Variants in SYPL1 observed in about 807,000 individuals in gnomAD.
SYPL1 encodes the protein synaptophysin-like protein 1.
SYPL1 carries 6 observed loss-of-function variants against 23.7 expected under a neutral mutation model. The ratio of observed to expected loss-of-function variants is 0.25; its 90% CI spans 0.14 to 0.50. The LOEUF (loss-of-function observed/expected upper bound fraction) is 0.50, where lower values mean the gene tolerates loss of function less well. SYPL1 is among the 20% of genes least tolerant of loss of function. SYPL1 has a pLI of 0.98. For synonymous variants in SYPL1, 102 were observed against 104.5 expected (o/e 0.98, Z 0.15); for missense variants, 253 against 288.9 (o/e 0.88, Z 0.90).
At chr7:106,112,565 C>T (rs200172873), upstream of SYPL1, 676 of 1,490,726 alleles carry the variant, frequency 4.5e-4, 1 homozygote, top group Non-Finnish European at 5.9e-4. Context: ...TGCGGTTCAG[C>T]CCCTGGCACT....
chr7:106,110,292 A>G (rs1046907400), intron 1 of SYPL1, among the ~76,000 whole-genome samples: 6 of 152,310 alleles, frequency 3.9e-5, no homozygotes, highest in East Asian at 1.9e-4. Flanking sequence ...TCCACTGAAC[A>G]TAAGATTCCT....
At chr7:106,112,371 G>GCGGA, upstream of SYPL1, 5 of 1,288,960 alleles carry the variant, frequency 3.9e-6, no homozygotes, top group Non-Finnish European at 4.9e-6. Flanking sequence ...GCGGAGCGGC[G>GCGGA]GCGGTTGAGC....
Position 106,112,246 on chromosome 7 carries a change from G to T in SYPL1, c.-38C>A. On this transcript the variant is annotated 5_prime_UTR_variant, in exon 1 of 5. Transcript: ENST00000455385. ...GGAGGGAGAGAGAGTCAGGACGACG[G>T]GGCGGAGGAGGGGACCGACGAGACC... 4.0e-6 allele frequency: 6 copies of T among 1,517,546 alleles called. No homozygotes were observed. The highest frequency in any genetic ancestry group is 5.3e-6 in the Non-Finnish European group (6 of 1,122,854). 94.0% of individuals were successfully genotyped at this position (1,517,546 alleles called of 1,614,324 possible). A position where few individuals can be genotyped will look rare whatever the true frequency, so the allele number is the denominator to read the frequency against.
At chr7:106,093,348 C>G (rs1839858296) in intron 3 of SYPL1, 1 of 462,928 alleles carries the variant, frequency 2.2e-6, no homozygotes, top group Non-Finnish European at 3.8e-6. Context: ...AAATAAGACT[C>G]AGTCATCCCC....
In SYPL1 at chr7:106,091,728, CAAAT is replaced by C; in HGVS notation, c.*73_*76del. On this transcript the variant is annotated 3_prime_UTR_variant, in exon 5 of 5. Coordinates refer to ENST00000455385, the MANE Select transcript of SYPL1 (RefSeq NM_182715.4). This position sits in a 1 kb window ranked among gnomAD's most constrained non-coding sequence, Gnocchi z 5.0. ...ACAAAGCCATTACTTTTATTAGAAA[CAAAT>C]AATGCTTCTCAAGGTGTTGGCAACA... 1 of 1,461,490 alleles carries C rather than the reference CAAAT, an allele frequency of 6.8e-7. No individual in the cohort carries two copies. Among genetic ancestry groups the C allele is most frequent in the Non-Finnish European group, 9.1e-7 (1 of 1,095,312 alleles). 90.5% of individuals were successfully genotyped at this position (1,461,490 alleles called of 1,614,324 possible).
rs887541225 is a variant in SYPL1 at position 106,095,375 on chromosome 7, A to C, written c.403-2238T>G. 6.7e-6 allele frequency among the ~76,000 whole-genome samples: 1 copy of C among 149,062 alleles called. No homozygotes were observed. Among genetic ancestry groups the C allele is most frequent in the Non-Finnish European group, 1.5e-5 (1 of 67,556 alleles). On this transcript the variant is annotated intron_variant, in intron 3 of 4. Coordinates refer to ENST00000455385, the MANE Select transcript of SYPL1 (RefSeq NM_182715.4). The surrounding 1 kb of genome is among the most constrained non-coding windows in gnomAD (Gnocchi z 4.3). ...TTTTTTTTTTTTTCCCCTGAGATGG[A>C]GTCTTGCTCTGTCACCTAGGCTGGA...
chr7:106,102,175 C>T (rs1305454337), intron 1 of SYPL1, among the ~76,000 whole-genome samples: 1 of 152,094 alleles, frequency 6.6e-6, no homozygotes, highest in Admixed American at 6.5e-5. Context: ...TCACTGCAAC[C>T]TCCACCTCCC....
chr7:106,099,015 A>G (rs755129950), intron 2 of SYPL1, 143 bp downstream of exon 2: 14 of 999,650 alleles, frequency 1.4e-5, no homozygotes, highest in Non-Finnish European at 2.1e-5. Flanking sequence ...TGTGTACCAC[A>G]GTTTGGGAGG....
intron 1 of SYPL1, among the ~76,000 whole-genome samples, chr7:106,107,687 A>G (rs954320200): frequency 6.8e-6 from 1 of 146,740 alleles, no homozygotes; most frequent in Non-Finnish European, 1.5e-5. Flanking sequence ...GGTTGCAGTG[A>G]GCTGAGATCA....
rs954007685 is a variant in SYPL1 at position 106,095,519 on chromosome 7, T to C, written c.402+2171A>G. Among the ~76,000 whole-genome samples, 9 of 152,004 alleles carry C rather than the reference T, an allele frequency of 5.9e-5. No individual in the cohort carries two copies. Among genetic ancestry groups the C allele is most frequent in the African/African-American group, 1.9e-4 (8 of 41,366 alleles). On this transcript the variant is annotated intron_variant, in intron 3 of 4. Transcript: ENST00000455385. The surrounding 1 kb of genome is among the most constrained non-coding windows in gnomAD (Gnocchi z 4.3). The stretch of plus-strand genomic sequence containing the variant: ...GCCCACCACCATGTCCAGCTAATTT[T>C]TGTATTTTTAGCAGAGATGGGGTTT...
rs145753939 is a variant in SYPL1, at chr7:106,097,825, G to C, written c.267C>G (p.Leu89=). 6.2e-7 allele frequency: 1 copy of C among 1,613,948 alleles called. No homozygotes were observed. Among genetic ancestry groups the C allele is most frequent in the Non-Finnish European group, 8.5e-7 (1 of 1,179,974 alleles). Residue 89 remains leucine, a synonymous_variant, in exon 3 of 5, where the codon CTC becomes CTG. Transcript: ENST00000455385. The surrounding 1 kb of genome is among the most constrained non-coding windows in gnomAD (Gnocchi z 4.6). ...GTGCAGAAGAAGAGTAATCGCCTAT[G>C]AGGACGTAATCTTTCCAATTTACAT... is the stretch of plus-strand genomic sequence containing the variant. ...ICDVNWKDYV[L]IGDYSSSAQF...
rs1839855465 is a variant in SYPL1 at position 106,093,303 on chromosome 7, TAG to T, written c.403-168_403-167del. On this transcript the variant is annotated intron_variant, in intron 3 of 4. Coordinates refer to ENST00000455385, the MANE Select transcript of SYPL1 (RefSeq NM_182715.4). ...CAGTCAGCATAGTAAACATTGCTGTTAGTGTTACAAGCACAGTGCCTGAGTTA... is the reference window on the plus strand; with the variant it reads ...CAGTCAGCATAGTAAACATTGCTGTTTGTTACAAGCACAGTGCCTGAGTTA... The T allele has an allele frequency of 5.1e-6, 3 of 591,560 alleles. No homozygotes were observed. The East Asian group carries it at 9.0e-5, about 18-fold the overall frequency. The allele number at this position is 591,560 out of a possible 1,614,324, so 36.6% of individuals were successfully genotyped here.
rs7787214 is a variant in SYPL1 at position 106,098,678 on chromosome 7, A to T, written c.194+480T>A. ...GATGAAATACTCATTTTACTTTAAG[A>T]AAGTGTGGCTTTATGCTAATGAATG... On this transcript the variant is annotated intron_variant, in intron 2 of 4. Coordinates refer to ENST00000455385, the MANE Select transcript of SYPL1 (RefSeq NM_182715.4). Among the ~76,000 whole-genome samples the T allele has an allele frequency of 6.7e-3, 1,016 of 152,336 alleles. 12 individuals are homozygous for T. The highest frequency in any genetic ancestry group is 0.023 in the African/African-American group (965 of 41,578).
At chr7:106,108,263 C>G (rs1840716992) in intron 1 of SYPL1, among the ~76,000 whole-genome samples, 1 of 152,094 alleles carries the variant, frequency 6.6e-6, no homozygotes, top group African/African-American at 2.4e-5. Context: ...ATTTTCATGT[C>G]TTCTGGAGTG....
chr7:106,092,348 C>G (rs1482193032), intron 4 of SYPL1, among the ~76,000 whole-genome samples: 11 of 152,210 alleles, frequency 7.2e-5, no homozygotes, highest in Admixed American at 5.9e-4. Flanking sequence ...CACAACTTTA[C>G]TTCCCATCCC....
At chr7:106,099,421 G>A (rs1425492835) in intron 1 of SYPL1, 139 bp from the exon 2 acceptor site, 5 of 1,087,212 alleles carry the variant, frequency 4.6e-6, no homozygotes, top group African/African-American at 3.2e-5. Flanking sequence ...TTTGAGACAG[G>A]GTTTCTGTCG....
intron 4 of SYPL1, 192 bp downstream of exon 4, chr7:106,092,757 T>C (rs1839804569): frequency 1.7e-6 from 1 of 599,864 alleles, no homozygotes; most frequent in Non-Finnish European, 2.9e-6. Flanking sequence ...AATAAAATCA[T>C]GATCTTGGTT....
chr7:106,112,310 C>T lies in SYPL1; in HGVS notation c.-102G>A. Reference sequence around the variant, plus strand: ...GGCGAGGAAGGGCAGGCGGGGCTGGCGCGCTGGCCGGGCTCGGAGGCGGGC... The same window carrying T: ...GGCGAGGAAGGGCAGGCGGGGCTGGTGCGCTGGCCGGGCTCGGAGGCGGGC... On this transcript the variant is annotated 5_prime_UTR_variant, in exon 1 of 5. Transcript: ENST00000455385. 7.6e-7 allele frequency: 1 copy of T among 1,318,026 alleles called. No individual in the cohort carries two copies. Among genetic ancestry groups the T allele is most frequent in the Non-Finnish European group, 9.8e-7 (1 of 1,024,036 alleles). 81.6% of individuals were successfully genotyped at this position (1,318,026 alleles called of 1,614,324 possible). A position where few individuals can be genotyped will look rare whatever the true frequency, so the allele number is the denominator to read the frequency against.
In SYPL1 at chr7:106,091,822, G is replaced by A. The variant is rs1839743277; in HGVS notation, c.709C>T (p.Pro237Ser). 2 of 1,612,644 alleles carry A rather than the reference G, an allele frequency of 1.2e-6. No individual in the cohort carries two copies. The highest frequency in any genetic ancestry group is 1.3e-5 in the African/African-American group (1 of 74,974). The change falls in exon 5 of 5, where the codon CCT becomes TCT. Residue 237 changes from proline (P) to serine (S), a missense_variant. Physicochemically the swap from Pro to Ser is moderately conservative, Grantham distance 74. Transcript: ENST00000455385. The surrounding 1 kb of genome is among the most constrained non-coding windows in gnomAD (Gnocchi z 5.0). The stretch of plus-strand genomic sequence containing the variant: ...CCCTTTAATTATATTCCGGTAGGAG[G>A]TGGAATACCTCCTTGGCTATGAGGG... ...SAPHSQGGIP[P>S]PTGI is the part of the protein sequence containing the mutation.
Sources: gnomAD v4.1 joint callset for allele counts (sites outside exome capture counted in the v4.1 genomes callset) on GRCh38, gnomAD v4.1.1 for gene constraint, Gnocchi (gnomAD v3.1) non-coding constraint, MANE v1.5 for transcripts, NCBI Gene and HGNC (gene_info 2026-07-23, HGNC 2026-07-21) for gene names.